Variants in CLSTN2 observed in about 807,000 individuals in gnomAD.
CLSTN2 encodes the protein calsyntenin-2.
In CLSTN2, 48 loss-of-function variants were observed where a neutral mutation model predicts 101.2. The ratio of observed to expected loss-of-function variants is 0.47; its 90% CI spans 0.38 to 0.60. CLSTN2 has a LOEUF of 0.60. Among genes scored for constraint, CLSTN2 ranks in the 20% least tolerant of loss-of-function variants. The pLI is 0.00. For synonymous variants in CLSTN2, 481 were observed against 463.6 expected, an observed-to-expected ratio of 1.04 and a Z score of -0.48; for missense variants, 1,160 against 1,238.2, an observed-to-expected ratio of 0.94 and a Z score of 0.95.
At chr3:139,995,332 C>T (rs1266262964) in intron 1 of CLSTN2, among the ~76,000 whole-genome samples, 1 of 152,126 alleles carries the variant, frequency 6.6e-6, no homozygotes, top group Non-Finnish European at 1.5e-5. Flanking sequence ...GCATATTTTC[C>T]ACATGTCAAG....
intron 1 of CLSTN2, among the ~76,000 whole-genome samples, chr3:139,970,520 G>A (rs1935678535): frequency 4.6e-5 from 7 of 152,218 alleles, no homozygotes; most frequent in Admixed American, 3.3e-4. Flanking sequence ...AGGCATGTGT[G>A]AAAGCCCTTA....
chr3:140,343,054 A>T lies in CLSTN2; in HGVS notation c.233-60575A>T, dbSNP rs529526561. Among the ~76,000 whole-genome samples, 12 of 152,312 alleles carry T rather than the reference A, an allele frequency of 7.9e-5. No homozygotes were observed. In the South Asian group the frequency reaches 2.5e-3, roughly 32 times the overall value. On this transcript the variant is annotated intron_variant, in intron 2 of 16. Coordinates refer to ENST00000458420, the MANE Select transcript of CLSTN2 (RefSeq NM_022131.3). ...CAAAGTCACATTGTATGAAGAGCAC[A>T]TAGGCAGGGTACGTTTTTGTGGCCA...
intron 2 of CLSTN2, among the ~76,000 whole-genome samples, chr3:140,298,064 A>G (rs2087020885): frequency 6.6e-6 from 1 of 152,234 alleles, no homozygotes; most frequent in African/African-American, 2.4e-5. Context: ...TCAACAATTT[A>G]CTAAGCTTCT....
chr3:140,291,708 C>T (rs2086955673), intron 2 of CLSTN2, among the ~76,000 whole-genome samples: 1 of 151,336 alleles, frequency 6.6e-6, no homozygotes, highest in African/African-American at 2.4e-5. Flanking sequence ...TCCACTCTAC[C>T]ATCTCAAGCA....
chr3:140,510,113 T>C (rs1016738961), intron 8 of CLSTN2, among the ~76,000 whole-genome samples: 1 of 152,216 alleles, frequency 6.6e-6, no homozygotes. Context: ...GTATCTCATG[T>C]AGTTTATTGA....
At chr3:140,416,565 AC>A (rs1386218400) in intron 4 of CLSTN2, among the ~76,000 whole-genome samples, 3 of 152,160 alleles carry the variant, frequency 2.0e-5, no homozygotes, top group Non-Finnish European at 1.5e-5. Flanking sequence ...AAGTTGGTGG[AC>A]CCCACACTTG....
intron 1 of CLSTN2, among the ~76,000 whole-genome samples, chr3:140,173,175 T>C (rs2010266001): frequency 6.6e-6 from 1 of 152,232 alleles, no homozygotes; most frequent in Non-Finnish European, 1.5e-5. Flanking sequence ...GATGCAGACA[T>C]TGGGTAAATA....
chr3:140,556,625 C>G lies in CLSTN2; in HGVS notation c.1787C>G (p.Ala596Gly). Residue 596 changes from alanine (A) to glycine (G), a missense_variant, in exon 11 of 17, where the codon GCG becomes GGG. Coordinates refer to ENST00000458420, the MANE Select transcript of CLSTN2 (RefSeq NM_022131.3). The part of the protein sequence containing the change: ...SYINSRQFPT[A>G]GVRRLKVSSK... ...ATCAACTCCAGGCAGTTCCCAACGGCGGGTGTGCGGCGCCTCAAAGTATCC... is the reference window on the plus strand; with the variant it reads ...ATCAACTCCAGGCAGTTCCCAACGGGGGGTGTGCGGCGCCTCAAAGTATCC... 1 of 1,614,060 alleles carries G rather than the reference C, an allele frequency of 6.2e-7. No individual in the cohort carries two copies. Among genetic ancestry groups the G allele is most frequent in the Non-Finnish European group, 8.5e-7 (1 of 1,179,960 alleles).
intron 2 of CLSTN2, among the ~76,000 whole-genome samples, chr3:140,291,574 A>C (rs1348205359): frequency 1.3e-5 from 2 of 151,468 alleles, no homozygotes; most frequent in Non-Finnish European, 2.9e-5. Context: ...TCTTTTATTC[A>C]TTGTTTCTGC....
intron 1 of CLSTN2, among the ~76,000 whole-genome samples, chr3:140,088,031 A>G (rs546819322): frequency 6.6e-6 from 1 of 152,310 alleles, no homozygotes; most frequent in Admixed American, 6.5e-5. Flanking sequence ...GGGGCTCAAC[A>G]GGAGGCTAAA....
chr3:140,077,935 TC>T (rs2008520249), intron 1 of CLSTN2, among the ~76,000 whole-genome samples: 1 of 152,214 alleles, frequency 6.6e-6, no homozygotes, highest in Non-Finnish European at 1.5e-5. Flanking sequence ...GGCTTGAAGT[TC>T]CTTCTCAAGG....
chr3:140,120,869 G>T (rs1360884232), intron 1 of CLSTN2, among the ~76,000 whole-genome samples: 1 of 152,146 alleles, frequency 6.6e-6, no homozygotes, highest in Non-Finnish European at 1.5e-5. Flanking sequence ...TGCATTGCAG[G>T]TCATTAGGCA....
intron 5 of CLSTN2, among the ~76,000 whole-genome samples, chr3:140,440,539 A>G (rs1056802768): frequency 1.3e-5 from 2 of 152,186 alleles, no homozygotes; most frequent in Non-Finnish European, 2.9e-5. Flanking sequence ...TGTGCCTATG[A>G]TGTGTCAGAT....
chr3:140,550,039 C>T (rs1439666180), intron 10 of CLSTN2, among the ~76,000 whole-genome samples: 2 of 150,800 alleles, frequency 1.3e-5, no homozygotes, highest in Non-Finnish European at 2.9e-5. Flanking sequence ...ACAATCCCTG[C>T]CAATTTTTCA....
chr3:140,330,713 C>A (rs1043566660), intron 2 of CLSTN2, among the ~76,000 whole-genome samples: 2 of 152,146 alleles, frequency 1.3e-5, no homozygotes, highest in Non-Finnish European at 2.9e-5. Flanking sequence ...TGAGGCCTGA[C>A]AAAAAAGCCA....
rs890682648 is a variant in CLSTN2, at chr3:140,104,270, C to T, written c.110-71681C>T. On this transcript the variant is annotated intron_variant, in intron 1 of 16. Coordinates refer to ENST00000458420, the MANE Select transcript of CLSTN2 (RefSeq NM_022131.3). ...TCTCCTTCATAGAGCAGCAGGCTGG[C>T]GGCACAAGAGAAAGAGATAAACTCT... 5.3e-5 allele frequency among the ~76,000 whole-genome samples: 8 copies of T among 152,186 alleles called. No individual in the cohort carries two copies. The South Asian group carries it at 6.2e-4, about 12-fold the overall frequency.
chr3:140,343,532 A>T (rs1011329649), intron 2 of CLSTN2, among the ~76,000 whole-genome samples: 2 of 152,230 alleles, frequency 1.3e-5, no homozygotes, highest in African/African-American at 4.8e-5. Flanking sequence ...TCCAGGGACT[A>T]TCAATGCAGT....
intron 1 of CLSTN2, among the ~76,000 whole-genome samples, chr3:140,076,653 T>TTTTTTTC (rs1491412394): frequency 9.3e-6 from 1 of 107,606 alleles, no homozygotes; most frequent in South Asian, 3.8e-4. Flanking sequence ...TTTTTTTTTT[T>TTTTTTTC]CCTAGCCTTC....
intron 1 of CLSTN2, among the ~76,000 whole-genome samples, chr3:140,066,710 G>T (rs1248764726): frequency 2.0e-5 from 3 of 152,096 alleles, no homozygotes; most frequent in South Asian, 2.1e-4. Context: ...GTAGGTTGTT[G>T]GTTTACATTC....
Sources: gnomAD v4.1 joint callset for allele counts (sites outside exome capture counted in the v4.1 genomes callset) on GRCh38, gnomAD v4.1.1 for gene constraint, MANE v1.5 for transcripts, NCBI Gene and HGNC (gene_info 2026-07-23, HGNC 2026-07-21) for gene names.